PODXL2: variants seen among roughly 807,000 people sequenced by gnomAD.
The protein encoded by PODXL2 is podocalyxin like 2.
PODXL2 carries 17 observed loss-of-function variants against 53.4 expected under a neutral mutation model. The ratio of observed to expected loss-of-function variants is 0.32; its 90% CI spans 0.22 to 0.48. The LOEUF (loss-of-function observed/expected upper bound fraction) is 0.48, where lower values mean the gene tolerates loss of function less well. Ranked by LOEUF, PODXL2 falls within the 20% of genes least tolerant of loss-of-function variation. The pLI is 0.99. For synonymous variants in PODXL2, 311 were observed against 306.7 expected, an observed-to-expected ratio of 1.01 and a Z score of -0.15; for missense variants, 673 against 760.0, an observed-to-expected ratio of 0.89 and a Z score of 1.35.
intron 1 of PODXL2, among the ~76,000 whole-genome samples, chr3:127,637,408 CTG>C (rs2074584111): frequency 6.6e-6 from 1 of 152,188 alleles, no homozygotes; most frequent in Non-Finnish European, 1.5e-5. Context: ...TCACAGGTCT[CTG>C]TTTTTTATAT....
At position 127,629,278 on chromosome 3, in the gene PODXL2, T is replaced by C. The variant is rs1482331986; in HGVS notation, c.59T>C (p.Leu20Pro). 2 of 1,014,734 alleles carry C rather than the reference T, an allele frequency of 2.0e-6. No homozygotes were observed. The highest frequency in any genetic ancestry group is 3.5e-5 in the African/African-American group (2 of 57,012). The allele number at this position is 1,014,734 out of a possible 1,614,324, so 62.9% of individuals were successfully genotyped here. A position where few individuals can be genotyped will look rare whatever the true frequency, so the allele number is the denominator to read the frequency against. The change falls in exon 1 of 8, where the codon CTG (leucine) becomes CCG (proline). Residue 20 changes from leucine to proline, a missense_variant. Leu to Pro is a moderately conservative substitution (Grantham distance 98). Transcript: ENST00000342480. The surrounding 1 kb of genome is among the most constrained non-coding windows in gnomAD (Gnocchi z 6.4). ...LPPLLSPLLL[L>P]LVGGAFLGAC... The stretch of plus-strand genomic sequence containing the variant: ...CCGCTGCTTTCGCCGCTGCTGCTTC[T>C]GCTGGTTGGGGGTGAGTGCGCTCCG...
chr3:127,642,714 T>C (rs763095690), intron 2 of PODXL2, among the ~76,000 whole-genome samples: 3 of 152,182 alleles, frequency 2.0e-5, no homozygotes, highest in Non-Finnish European at 2.9e-5. Context: ...GTACGTTCAT[T>C]ATATACAGAA....
intron 1 of PODXL2, among the ~76,000 whole-genome samples, chr3:127,636,391 T>A (rs2074578823): frequency 6.6e-6 from 1 of 152,078 alleles, no homozygotes; most frequent in Non-Finnish European, 1.5e-5. Flanking sequence ...GTGGAAGAGG[T>A]CATGGGAAAG....
chr3:127,634,425 C>CAA (rs1222853241), intron 1 of PODXL2, among the ~76,000 whole-genome samples: 1 of 118,770 alleles, frequency 8.4e-6, no homozygotes. Context: ...AACTCCATCT[C>CAA]AAAAAAAAAA....
intron 1 of PODXL2, among the ~76,000 whole-genome samples, chr3:127,630,083 G>A (rs2074533808): frequency 6.6e-6 from 1 of 152,200 alleles, no homozygotes; most frequent in South Asian, 2.1e-4. Context: ...CGGGCCTCCT[G>A]ATGGCTTCCA....
chr3:127,672,355 CAGG>C lies in PODXL2; in HGVS notation c.1696_1698del (p.Glu566del), dbSNP rs2074854390. ...GGCCAGCGACAGCCAGTCGGAGATG[CAGG>C]AGAAGCACCCCAGCCTGAACGGCGG... On this transcript the variant is annotated inframe_deletion, in exon 8 of 8. Transcript: ENST00000342480. The C allele has an allele frequency of 6.5e-7, 1 of 1,549,726 alleles. No individual in the cohort carries two copies. The highest frequency in any genetic ancestry group is 1.2e-5 in the South Asian group (1 of 84,304).
At chr3:127,651,035 C>T (rs1196491627) in intron 2 of PODXL2, among the ~76,000 whole-genome samples, 3 of 152,182 alleles carry the variant, frequency 2.0e-5, no homozygotes, top group African/African-American at 4.8e-5. Flanking sequence ...GAGGCCGAGA[C>T]GGGTGGATCA....
intron 2 of PODXL2, among the ~76,000 whole-genome samples, chr3:127,646,461 C>T (rs1385070473): frequency 6.6e-6 from 1 of 151,636 alleles, no homozygotes; most frequent in Non-Finnish European, 1.5e-5. Context: ...AGTCTTGGCT[C>T]ACTGCAACCT....
At chr3:127,652,531 G>C (rs979547417) in intron 2 of PODXL2, among the ~76,000 whole-genome samples, 3 of 152,138 alleles carry the variant, frequency 2.0e-5, no homozygotes, top group African/African-American at 7.2e-5. Context: ...CCCATGCTCC[G>C]AGGCCCAGCC....
intron 1 of PODXL2, among the ~76,000 whole-genome samples, chr3:127,634,767 G>C (rs1031980820): frequency 6.6e-6 from 1 of 152,060 alleles, no homozygotes; most frequent in Admixed American, 6.6e-5. Context: ...AGACCTCTCT[G>C]AGCTTTGTCA....
chr3:127,630,056 C>T (rs1274031524), intron 1 of PODXL2, among the ~76,000 whole-genome samples: 2 of 152,060 alleles, frequency 1.3e-5, no homozygotes, highest in African/African-American at 4.8e-5. Flanking sequence ...GATGTGTCTG[C>T]CTGAGAGAGA....
rs1305029509 is a variant in PODXL2 at position 127,660,560 on chromosome 3, G to T, written c.532G>T (p.Val178Leu). Residue 178 changes from valine to leucine, a missense_variant, in exon 3 of 8, where the codon GTA (valine) becomes TTA (leucine). Val to Leu is a conservative substitution (Grantham distance 32). Coordinates refer to ENST00000342480, the MANE Select transcript of PODXL2 (RefSeq NM_015720.4). Reference protein sequence around the residue: ...EEEEEREKEEVEKQEEEEEEE... With the variant: ...EEEEEREKEELEKQEEEEEEE... ...AGAGGAGGAGAGGGAGAAGGAAGAG[G>T]TAGAGAAACAAGAGGAGGAGGAAGA... The T allele has an allele frequency of 1.2e-6, 2 of 1,613,844 alleles. No individual in the cohort carries two copies. The highest frequency in any genetic ancestry group is 1.7e-6 in the Non-Finnish European group (2 of 1,179,856).
In PODXL2 at chr3:127,672,699, C is replaced by A. The variant is rs1576439255; in HGVS notation, c.*219C>A. On this transcript the variant is annotated 3_prime_UTR_variant, in exon 8 of 8. Coordinates refer to ENST00000342480, the MANE Select transcript of PODXL2 (RefSeq NM_015720.4). ...GGGCAGGCCTCAAAGCCCGCCTTGG[C>A]CCCGCTTTCCCGCCCCTGAACCCCG... 2.3e-6 allele frequency: 1 copy of A among 443,676 alleles called. No homozygotes were observed. Among genetic ancestry groups the A allele is most frequent in the Middle Eastern group, 5.8e-4 (1 of 1,724 alleles). 27.5% of individuals were successfully genotyped at this position (443,676 alleles called of 1,614,324 possible).
intron 4 of PODXL2, among the ~76,000 whole-genome samples, chr3:127,663,551 C>A (rs928557210): frequency 2.6e-5 from 4 of 152,222 alleles, no homozygotes; most frequent in Admixed American, 2.0e-4. Context: ...CATCACTATA[C>A]TGATGGATCT....
intron 1 of PODXL2, among the ~76,000 whole-genome samples, chr3:127,635,273 A>G (rs1430090137): frequency 1.3e-5 from 2 of 152,236 alleles, no homozygotes; most frequent in African/African-American, 2.4e-5. Flanking sequence ...TGGCTCAAAC[A>G]GAGTTATATG....
At chr3:127,644,827 A>G (rs552203644) in intron 2 of PODXL2, among the ~76,000 whole-genome samples, 12 of 152,208 alleles carry the variant, frequency 7.9e-5, no homozygotes, top group African/African-American at 2.9e-4. Context: ...AGGTGCAGGG[A>G]GGAGGCCAGG....
At chr3:127,657,299 C>T (rs888633299) in intron 2 of PODXL2, among the ~76,000 whole-genome samples, 125 of 152,150 alleles carry the variant, frequency 8.2e-4, no homozygotes, top group African/African-American at 2.8e-3. Context: ...ACTTCCCCAC[C>T]CCATGGGATT....
At chr3:127,653,600 C>T (rs1336572911) in intron 2 of PODXL2, among the ~76,000 whole-genome samples, 4 of 151,358 alleles carry the variant, frequency 2.6e-5, no homozygotes, top group East Asian at 3.9e-4. Flanking sequence ...CAGCCAAGAT[C>T]GTGCCAATGC....
chr3:127,664,597 T>G (rs2074784753), intron 4 of PODXL2, among the ~76,000 whole-genome samples: 1 of 152,152 alleles, frequency 6.6e-6, no homozygotes, highest in South Asian at 2.1e-4. Context: ...TCGCTATGAG[T>G]ATACCATTTT....
Sources: gnomAD v4.1 joint callset for allele counts (sites outside exome capture counted in the v4.1 genomes callset) on GRCh38, gnomAD v4.1.1 for gene constraint, Gnocchi (gnomAD v3.1) non-coding constraint, MANE v1.5 for transcripts, NCBI Gene and HGNC (gene_info 2026-07-23, HGNC 2026-07-21) for gene names.